The following CCDC178 variants were observed in gnomAD, a reference collection of about 807,000 sequenced individuals.
CCDC178 encodes the protein coiled-coil domain containing 178.
Under a neutral mutation model 117.4 loss-of-function variants are expected in CCDC178, and 126 were observed. The observed-to-expected ratio is 1.07, with a 90% confidence interval of 0.93 to 1.24. The LOEUF is 1.24. Among genes scored for constraint, CCDC178 ranks in the 50% most tolerant of loss-of-function variants. The probability of loss-of-function intolerance (pLI) is 0.00; values close to 1 mark genes in which losing one functional copy is unlikely to be tolerated. For missense variants in CCDC178, 1,030 were observed against 986.9 expected, an observed-to-expected ratio of 1.04 and a Z score of -0.59; for synonymous variants, 283 against 313.4, an observed-to-expected ratio of 0.90 and a Z score of 1.02.
chr18:33,377,977 T>TA (rs976571356), intron 5 of CCDC178, among the ~76,000 whole-genome samples: 1 of 152,208 alleles, frequency 6.6e-6, no homozygotes, highest in Non-Finnish European at 1.5e-5. Context: ...TCCAGTTCTG[T>TA]AAAAAATGAC....
chr18:33,181,654 A>T (rs2058733800), intron 20 of CCDC178, among the ~76,000 whole-genome samples: 1 of 151,838 alleles, frequency 6.6e-6, no homozygotes, highest in Non-Finnish European at 1.5e-5. Flanking sequence ...GTTTCTGAGA[A>T]TCAGTGGTGC....
intron 22 of CCDC178, among the ~76,000 whole-genome samples, chr18:32,962,863 A>T (rs1695057282): frequency 6.6e-6 from 1 of 152,064 alleles, no homozygotes; most frequent in Admixed American, 6.6e-5. Flanking sequence ...CATTAATACT[A>T]TACAAAAAAT....
chr18:33,142,514 G>GT (rs1384533166), intron 20 of CCDC178, among the ~76,000 whole-genome samples: 1 of 152,200 alleles, frequency 6.6e-6, no homozygotes, highest in Non-Finnish European at 1.5e-5. Flanking sequence ...GCAGTCTAGA[G>GT]TTCAGATGTC....
intron 21 of CCDC178, among the ~76,000 whole-genome samples, chr18:33,039,381 A>T (rs182863140): frequency 1.3e-5 from 2 of 152,182 alleles, no homozygotes; most frequent in East Asian, 3.9e-4. Context: ...GCCTACAGTG[A>T]AATCAGGAGA....
intron 20 of CCDC178, among the ~76,000 whole-genome samples, chr18:33,149,777 T>A (rs1248249947): frequency 6.6e-6 from 1 of 152,208 alleles, no homozygotes; most frequent in Non-Finnish European, 1.5e-5. Flanking sequence ...TTAAACACTA[T>A]GTATTTGAAC....
chr18:33,132,148 T>C (rs559959676), intron 20 of CCDC178, among the ~76,000 whole-genome samples: 34 of 151,840 alleles, frequency 2.2e-4, no homozygotes, highest in Admixed American at 1.8e-3. Flanking sequence ...AGCAGGGTGA[T>C]AGATGAGTAA....
At position 32,976,188 on chromosome 18, in the gene CCDC178, T is replaced by G. The variant is rs184848604; in HGVS notation, c.2389-1507A>C. ...TGGGCTATTAAATTAAAACTTAGCA[T>G]TATTATTTGAAGAGAAATTTTGTCA... On this transcript the variant is annotated intron_variant, in intron 21 of 22. Transcript: ENST00000383096. Among the ~76,000 whole-genome samples the G allele has an allele frequency of 3.3e-5, 5 of 152,256 alleles. No individual in the cohort carries two copies. The East Asian group carries it at 9.6e-4, about 29-fold the overall frequency.
At chr18:33,334,794 ATATT>A (rs2062718338) in intron 9 of CCDC178, among the ~76,000 whole-genome samples, 1 of 151,968 alleles carries the variant, frequency 6.6e-6, no homozygotes, top group Non-Finnish European at 1.5e-5. Flanking sequence ...CCCTATGTAT[ATATT>A]TATTTATTTT....
At chr18:33,425,708 A>C (rs1167452459) in intron 2 of CCDC178, among the ~76,000 whole-genome samples, 1 of 152,090 alleles carries the variant, frequency 6.6e-6, no homozygotes, top group Non-Finnish European at 1.5e-5. Context: ...CCCTGGCTAC[A>C]TTCATGGATG....
chr18:33,174,849 C>A (rs1337093460), intron 20 of CCDC178, among the ~76,000 whole-genome samples: 1 of 151,710 alleles, frequency 6.6e-6, no homozygotes, highest in Non-Finnish European at 1.5e-5. Flanking sequence ...ATTCCTGTTT[C>A]ATATTAGTAT....
chr18:33,251,993 A>G (rs1300789062), intron 14 of CCDC178, among the ~76,000 whole-genome samples: 1 of 151,810 alleles, frequency 6.6e-6, no homozygotes, highest in East Asian at 1.9e-4. Flanking sequence ...AAGGGAAAGA[A>G]GGACAATAAG....
In CCDC178 at chr18:33,246,279, T is replaced by C. The variant is rs1052561856; in HGVS notation, c.1410-851A>G. On this transcript the variant is annotated intron_variant, in intron 14 of 22. Coordinates refer to ENST00000383096, the MANE Select transcript of CCDC178 (RefSeq NM_001105528.4). ...CACATAAAAATCACAGGGAGAGCTTTGAAAGTCACAGATTCCCAGGCTTCA... is the reference window on the plus strand; with the variant it reads ...CACATAAAAATCACAGGGAGAGCTTCGAAAGTCACAGATTCCCAGGCTTCA... Among the ~76,000 whole-genome samples, 7 of 151,702 alleles carry C rather than the reference T, an allele frequency of 4.6e-5. No individual in the cohort carries two copies. In the East Asian group the frequency reaches 1.2e-3, roughly 25 times the overall value.
At chr18:33,102,961 T>C (rs1187113855) in intron 20 of CCDC178, among the ~76,000 whole-genome samples, 1 of 151,824 alleles carries the variant, frequency 6.6e-6, no homozygotes, top group Admixed American at 6.6e-5. Context: ...AGAGACTGAG[T>C]GGACCATAAA....
intron 21 of CCDC178, among the ~76,000 whole-genome samples, chr18:33,015,583 A>AACAACAAC (rs1555627859): frequency 2.6e-5 from 4 of 151,618 alleles, no homozygotes; most frequent in African/African-American, 9.7e-5. Context: ...CAACAACAAC[A>AACAACAAC]AACAACAACA....
intron 11 of CCDC178, among the ~76,000 whole-genome samples, chr18:33,297,245 T>C (rs2062117368): frequency 6.6e-6 from 1 of 151,892 alleles, no homozygotes; most frequent in African/African-American, 2.4e-5. Flanking sequence ...CTAGAGCGAT[T>C]TAAAATAACC....
chr18:33,388,034 AT>A (rs1480313305), intron 5 of CCDC178, among the ~76,000 whole-genome samples: 2 of 152,190 alleles, frequency 1.3e-5, no homozygotes, highest in African/African-American at 2.4e-5. Context: ...AAACAACCCC[AT>A]TAAAAAAATG....
chr18:33,421,597 A>G (rs1194764206), intron 2 of CCDC178, among the ~76,000 whole-genome samples: 1 of 152,238 alleles, frequency 6.6e-6, no homozygotes, highest in Non-Finnish European at 1.5e-5. Flanking sequence ...AACATTTATG[A>G]GTACACCACG....
rs534974308 is a variant in CCDC178 at position 33,248,150 on chromosome 18, T to C, written c.1410-2722A>G. 6.0e-4 allele frequency among the ~76,000 whole-genome samples: 91 copies of C among 152,048 alleles called. No individual in the cohort carries two copies. In the South Asian group the frequency reaches 0.017, roughly 28 times the overall value. On this transcript the variant is annotated intron_variant, in intron 14 of 22. Coordinates refer to ENST00000383096, the MANE Select transcript of CCDC178 (RefSeq NM_001105528.4). The stretch of plus-strand genomic sequence containing the variant: ...AATAAATGCCAAAAGAAAATTATTA[T>C]CTTCAAATCTAAGCAAAAATAAATG...
At chr18:32,988,118 T>TAATAATCATAATCATAATAAA (rs1320760752) in intron 21 of CCDC178, among the ~76,000 whole-genome samples, 1 of 132,860 alleles carries the variant, frequency 7.5e-6, no homozygotes, top group African/African-American at 2.9e-5. Context: ...ATAATAATAA[T>TAATAATCATAATCATAATAAA]AAATTTATCA....
Sources: allele counts gnomAD v4.1 joint callset (sites outside exome capture counted in the v4.1 genomes callset), GRCh38; gene constraint gnomAD v4.1.1; transcripts MANE v1.5; gene names NCBI Gene and HGNC (gene_info 2026-07-23, HGNC 2026-07-21).